ASAP1: variants seen among roughly 807,000 people sequenced by gnomAD.
The protein encoded by ASAP1 is ArfGAP with SH3 domain, ankyrin repeat and PH domain 1.
A neutral mutation model predicts 145.2 loss-of-function variants in ASAP1; 43 were observed. That is an observed-to-expected ratio of 0.30 (90% CI 0.23 to 0.38). The LOEUF is 0.38. Ranked by LOEUF, ASAP1 falls within the 10% of genes least tolerant of loss-of-function variation. ASAP1 has a pLI of 1.00. For synonymous variants in ASAP1, 546 were observed against 515.5 expected, an observed-to-expected ratio of 1.06 and a Z score of -0.80; for missense variants, 1,018 against 1,355.3, an observed-to-expected ratio of 0.75 and a Z score of 3.91.
intron 4 of ASAP1, among the ~76,000 whole-genome samples, chr8:130,215,515 G>A (rs1000750647): frequency 2.0e-5 from 3 of 152,034 alleles, no homozygotes; most frequent in Non-Finnish European, 2.9e-5. Context: ...AGGCCAAGGC[G>A]GGCCGATCAC....
intron 11 of ASAP1, among the ~76,000 whole-genome samples, chr8:130,160,430 C>G (rs934814247): frequency 2.6e-5 from 4 of 152,336 alleles, no homozygotes; most frequent in Admixed American, 2.6e-4. Context: ...AAAAGGGGAA[C>G]CTTCTAAGCA....
At chr8:130,103,295 CTTCTT>C (rs1318114855) in intron 24 of ASAP1, among the ~76,000 whole-genome samples, 6 of 151,648 alleles carry the variant, frequency 4.0e-5, no homozygotes, top group Non-Finnish European at 8.8e-5. Context: ...GGTCTTCTCC[CTTCTT>C]TTCTTGTCTA....
intron 13 of ASAP1, among the ~76,000 whole-genome samples, chr8:130,148,725 ATATT>A (rs1459750561): frequency 6.6e-6 from 1 of 152,186 alleles, no homozygotes; most frequent in Admixed American, 6.5e-5. Flanking sequence ...TTGTTTTATG[ATATT>A]TATTTATACT....
intron 2 of ASAP1, among the ~76,000 whole-genome samples, chr8:130,391,643 G>A (rs1415363899): frequency 6.6e-6 from 1 of 152,220 alleles, no homozygotes; most frequent in Non-Finnish European, 1.5e-5. Context: ...GAGACATGCA[G>A]GCACTATCAC....
chr8:130,251,412 T>C (rs183625214), intron 3 of ASAP1, among the ~76,000 whole-genome samples: 3 of 152,244 alleles, frequency 2.0e-5, no homozygotes, highest in Admixed American at 6.5e-5. Context: ...AGTGAGACTC[T>C]GTCTTAAAAT....
At chr8:130,336,298 A>T (rs1825031218) in intron 3 of ASAP1, among the ~76,000 whole-genome samples, 1 of 152,230 alleles carries the variant, frequency 6.6e-6, no homozygotes, top group Non-Finnish European at 1.5e-5. Context: ...GGTTATATAT[A>T]CATCAATCAT....
chr8:130,320,634 A>G (rs949702663), intron 3 of ASAP1, among the ~76,000 whole-genome samples: 1 of 42,830 alleles, frequency 2.3e-5, no homozygotes, highest in Non-Finnish European at 4.1e-5. Context: ...TGTATGAAGG[A>G]GGAAGAGTTA....
At chr8:130,247,138 A>T (rs577042500) in intron 3 of ASAP1, 30 of 152,296 alleles carry the variant, frequency 2.0e-4, no homozygotes, top group African/African-American at 7.2e-4. Flanking sequence ...CTGATACTAA[A>T]GGTACTGTTA....
intron 24 of ASAP1, among the ~76,000 whole-genome samples, chr8:130,102,548 G>A (rs1275013399): frequency 6.6e-6 from 1 of 152,126 alleles, no homozygotes. Flanking sequence ...AATATTGGCT[G>A]GTAGTTTTCT....
intron 3 of ASAP1, among the ~76,000 whole-genome samples, chr8:130,328,258 C>T (rs1204774663): frequency 2.0e-5 from 3 of 152,108 alleles, no homozygotes; most frequent in Admixed American, 6.6e-5. Context: ...TGTAGTGCCA[C>T]AACAGAGTTT....
chr8:130,065,613 T>C (rs769148069), intron 27 of ASAP1, among the ~76,000 whole-genome samples: 88 of 152,112 alleles, frequency 5.8e-4, no homozygotes, highest in Non-Finnish European at 1.1e-3. Flanking sequence ...CGGATACCAA[T>C]ACATATATAT....
At chr8:130,062,888 T>C (rs2135086074) in intron 27 of ASAP1, among the ~76,000 whole-genome samples, 1 of 152,246 alleles carries the variant, frequency 6.6e-6, no homozygotes, top group African/African-American at 2.4e-5. Context: ...ACTGGAGGAT[T>C]GCTTGAGCCC....
intron 13 of ASAP1, among the ~76,000 whole-genome samples, chr8:130,139,440 A>G (rs1014738862): frequency 6.6e-6 from 1 of 152,226 alleles, no homozygotes; most frequent in Non-Finnish European, 1.5e-5. Flanking sequence ...ATAATTTTTA[A>G]GCTGACCAGG....
chr8:130,216,003 AGG>A (rs1240486314), intron 4 of ASAP1, among the ~76,000 whole-genome samples: 3 of 140,856 alleles, frequency 2.1e-5, no homozygotes, highest in African/African-American at 7.9e-5. Flanking sequence ...AGGAAAGGAA[AGG>A]AAAGGAAAGG....
intron 24 of ASAP1, among the ~76,000 whole-genome samples, chr8:130,094,222 T>A (rs1279742737): frequency 2.0e-5 from 3 of 152,108 alleles, no homozygotes; most frequent in African/African-American, 4.8e-5. Flanking sequence ...TAAAAAAAAT[T>A]TTTTTTGAGA....
chr8:130,177,556 C>T (rs1367929720), intron 9 of ASAP1, among the ~76,000 whole-genome samples: 4 of 152,122 alleles, frequency 2.6e-5, no homozygotes, highest in Non-Finnish European at 4.4e-5. Context: ...CATAACTGCC[C>T]AACCACACTA....
Position 130,401,832 on chromosome 8 carries a change from G to T in ASAP1, c.59+53C>A. The T allele has an allele frequency of 2.6e-6, 4 of 1,546,692 alleles. No homozygotes were observed. In the South Asian group the frequency reaches 3.4e-5, roughly 13 times the overall value. On this transcript the variant is annotated intron_variant, in intron 2 of 29. Coordinates refer to ENST00000518721, the MANE Select transcript of ASAP1 (RefSeq NM_018482.4). ...CATTTCAACTCCCAAGAAGAATCCCGCTGTATCTCCCACGCCGAGTTTTCT... is the reference window on the plus strand; with the variant it reads ...CATTTCAACTCCCAAGAAGAATCCCTCTGTATCTCCCACGCCGAGTTTTCT...
intron 1 of ASAP1, among the ~76,000 whole-genome samples, chr8:130,410,472 C>T (rs571185001): frequency 2.6e-5 from 4 of 152,298 alleles, no homozygotes; most frequent in African/African-American, 4.8e-5. Flanking sequence ...TAACTAGCCA[C>T]GCAATCCAAT....
chr8:130,113,913 C>CT lies in ASAP1; in HGVS notation c.2173-1592dup, dbSNP rs569903635. ...TCTCCCACCTCTGCCTCCCGGGCAG[C>CT]TGGGACCACAGGCGCACACCACCAC... On this transcript the variant is annotated intron_variant, in intron 23 of 29. Coordinates refer to ENST00000518721, the MANE Select transcript of ASAP1 (RefSeq NM_018482.4). Among the ~76,000 whole-genome samples the CT allele has an allele frequency of 1.0e-3, 158 of 152,214 alleles. 1 individual carries two copies. The highest frequency in any genetic ancestry group is 3.7e-3 in the African/African-American group (152 of 41,520).
Sources: gnomAD v4.1 joint callset for allele counts (sites outside exome capture counted in the v4.1 genomes callset) on GRCh38, gnomAD v4.1.1 for gene constraint, MANE v1.5 for transcripts, NCBI Gene and HGNC (gene_info 2026-07-23, HGNC 2026-07-21) for gene names.